TTC27: variants seen among roughly 807,000 people sequenced by gnomAD.
TTC27 encodes tetratricopeptide repeat protein 27.
A neutral mutation model predicts 115.9 loss-of-function variants in TTC27; 79 were observed. The ratio of observed to expected loss-of-function variants is 0.68; its 90% CI spans 0.57 to 0.82. The LOEUF is 0.82. Among genes scored for constraint, TTC27 ranks in the 40% least tolerant of loss-of-function variants. TTC27 has a pLI of 0.00. For missense variants in TTC27, 1,054 were observed against 993.1 expected, an observed-to-expected ratio of 1.06 and a Z score of -0.82; for synonymous variants, 401 against 356.0, an observed-to-expected ratio of 1.13 and a Z score of -1.42.
chr2:32,696,130 A>T (rs1280397050), intron 9 of TTC27, among the ~76,000 whole-genome samples: 1 of 149,818 alleles, frequency 6.7e-6, no homozygotes, highest in African/African-American at 2.5e-5. Flanking sequence ...CCTCAAAAAA[A>T]AAAAAAAAAT....
chr2:32,741,619 T>C (rs1172823440), intron 12 of TTC27, among the ~76,000 whole-genome samples: 1 of 151,588 alleles, frequency 6.6e-6, no homozygotes, highest in Non-Finnish European at 1.5e-5. Context: ...ACCACTGCCC[T>C]CCAGCCTGGG....
intron 17 of TTC27, among the ~76,000 whole-genome samples, chr2:32,812,245 T>C (rs1459349794): frequency 6.6e-6 from 1 of 152,226 alleles, no homozygotes. Flanking sequence ...ATTTACAGAT[T>C]TCCAAACCTG....
chr2:32,658,362 A>G (rs1665413802), intron 5 of TTC27, among the ~76,000 whole-genome samples: 1 of 151,696 alleles, frequency 6.6e-6, no homozygotes, highest in African/African-American at 2.4e-5. Flanking sequence ...TGATCATCTC[A>G]CCTCAGCCTC....
intron 4 of TTC27, among the ~76,000 whole-genome samples, chr2:32,641,684 C>CT (rs892166165): frequency 1.5e-4 from 22 of 148,632 alleles, no homozygotes; most frequent in East Asian, 3.9e-4. Flanking sequence ...ATAGTTCTTT[C>CT]TTTTTTTTTT....
At chr2:32,747,461 TG>T (rs1202776451) in intron 12 of TTC27, among the ~76,000 whole-genome samples, 1 of 152,200 alleles carries the variant, frequency 6.6e-6, no homozygotes, top group African/African-American at 2.4e-5. Flanking sequence ...AAACCTATTT[TG>T]TAATAAAGTG....
At chr2:32,807,157 G>A (rs1671159384) in intron 16 of TTC27, among the ~76,000 whole-genome samples, 1 of 152,102 alleles carries the variant, frequency 6.6e-6, no homozygotes, top group South Asian at 2.1e-4. Context: ...ATATTCATGT[G>A]TGTCATCATT....
chr2:32,770,898 A>G (rs958281585), intron 13 of TTC27, among the ~76,000 whole-genome samples: 4 of 152,144 alleles, frequency 2.6e-5, no homozygotes, highest in Non-Finnish European at 4.4e-5. Context: ...AATAGGGAGG[A>G]TAGGATGAAC....
At chr2:32,702,979 CA>C in intron 10 of TTC27, 59 bp downstream of exon 10, 2 of 1,177,130 alleles carry the variant, frequency 1.7e-6, no homozygotes, top group Non-Finnish European at 2.5e-6. Context: ...TATCAGTAAG[CA>C]TACATGTTTG....
At chr2:32,801,535 C>T (rs181440188) in intron 16 of TTC27, among the ~76,000 whole-genome samples, 27 of 152,296 alleles carry the variant, frequency 1.8e-4, no homozygotes, top group Admixed American at 2.0e-4. Flanking sequence ...AGTTACATTG[C>T]AAAGACCCTA....
In TTC27 at chr2:32,820,899, G is replaced by A. The variant is rs1671680326; in HGVS notation, c.2493G>A (p.Glu831=). ...DITAMDTLVT[E]LQDLSNQFRN... ...CAGCTATGGACACCTTAGTGACAGA[G>A]CTCCAAGACCTAAGCAACCAGTTTC... Residue 831 remains glutamate (E), a synonymous_variant, in exon 20 of 20, where the codon GAG becomes GAA. Coordinates refer to ENST00000317907, the MANE Select transcript of TTC27 (RefSeq NM_017735.5). 6.5e-7 allele frequency: 1 copy of A among 1,532,710 alleles called. No individual in the cohort carries two copies. Among genetic ancestry groups the A allele is most frequent in the Non-Finnish European group, 8.8e-7 (1 of 1,135,018 alleles). The allele number at this position is 1,532,710 out of a possible 1,614,324, so 94.9% of individuals were successfully genotyped here. A position where few individuals can be genotyped will look rare whatever the true frequency, so the allele number is the denominator to read the frequency against.
chr2:32,736,287 G>A (rs1311080749), intron 11 of TTC27, among the ~76,000 whole-genome samples: 4 of 152,022 alleles, frequency 2.6e-5, no homozygotes, highest in African/African-American at 9.7e-5. Context: ...AAATTCAGCA[G>A]GGCTAATGCA....
At chr2:32,810,884 C>T in intron 16 of TTC27, 140 bp from the exon 17 acceptor site, 1 of 930,948 alleles carries the variant, frequency 1.1e-6, no homozygotes, top group Non-Finnish European at 1.6e-6. Flanking sequence ...TTTTGCTTTT[C>T]AAAAGCTTAA....
chr2:32,632,970 C>A (rs1276823080), intron 2 of TTC27, among the ~76,000 whole-genome samples: 2 of 152,182 alleles, frequency 1.3e-5, no homozygotes, highest in Non-Finnish European at 2.9e-5. Flanking sequence ...GTTTGCCTAT[C>A]CCTGTCTCAC....
At chr2:32,776,599 G>GTGTTTT (rs1391128085) in intron 13 of TTC27, among the ~76,000 whole-genome samples, 7 of 151,990 alleles carry the variant, frequency 4.6e-5, no homozygotes, top group South Asian at 4.2e-4. Context: ...TTAGTTTTTT[G>GTGTTTT]TGTTTTTGTT....
intron 16 of TTC27, among the ~76,000 whole-genome samples, chr2:32,795,256 AGTGG>A (rs1341703874): frequency 2.0e-5 from 3 of 152,076 alleles, no homozygotes; most frequent in Non-Finnish European, 4.4e-5. Flanking sequence ...ACCATAACCA[AGTGG>A]GCTCTATTCC....
intron 16 of TTC27, among the ~76,000 whole-genome samples, chr2:32,806,089 T>C (rs1671120676): frequency 1.3e-5 from 2 of 152,232 alleles, no homozygotes; most frequent in African/African-American, 2.4e-5. Flanking sequence ...TCATTCCACC[T>C]CTAAAATCTT....
chr2:32,644,805 TTCCCTCCC>T (rs746119041), intron 4 of TTC27, among the ~76,000 whole-genome samples: 2 of 151,116 alleles, frequency 1.3e-5, no homozygotes, highest in South Asian at 2.1e-4. Context: ...TCATTCTTTT[TTCCCTCCC>T]TCCCTCCCTC....
At chr2:32,785,753 G>T (rs1326986988) in intron 15 of TTC27, among the ~76,000 whole-genome samples, 1 of 152,100 alleles carries the variant, frequency 6.6e-6, no homozygotes, top group Non-Finnish European at 1.5e-5. Flanking sequence ...GTGCCACTAT[G>T]TCCAGCTAAT....
intron 13 of TTC27, among the ~76,000 whole-genome samples, chr2:32,777,126 A>T (rs17012264): frequency 0.16 from 24,727 of 152,214 alleles, 2,144 homozygotes; most frequent in Middle Eastern, 0.36. Flanking sequence ...TTCTAAATTA[A>T]TTTCAGGCAT....
Sources: gnomAD v4.1 joint callset for allele counts (sites outside exome capture counted in the v4.1 genomes callset) on GRCh38, gnomAD v4.1.1 for gene constraint, MANE v1.5 for transcripts, NCBI Gene and HGNC (gene_info 2026-07-23, HGNC 2026-07-21) for gene names.